The following AOPEP variants were observed in gnomAD, a reference collection of about 807,000 sequenced individuals.
The protein encoded by AOPEP is aminopeptidase O (putative), also known as aminopeptidase O.
A neutral mutation model predicts 98.1 loss-of-function variants in AOPEP; 77 were observed. The ratio of observed to expected loss-of-function variants is 0.78; its 90% CI spans 0.65 to 0.95. The LOEUF (loss-of-function observed/expected upper bound fraction) is 0.95. Ranked by LOEUF, AOPEP falls within the 40% of genes least tolerant of loss-of-function variation. The probability of loss-of-function intolerance (pLI) is 0.00; values close to 1 mark genes in which losing one functional copy is unlikely to be tolerated. For synonymous variants in AOPEP, 346 were observed against 365.3 expected, an observed-to-expected ratio of 0.95 and a Z score of 0.60; for missense variants, 1,024 against 1,024.7, an observed-to-expected ratio of 1.00 and a Z score of 0.01.
chr9:94,847,152 A>ACACACACACACACTCT (rs1448564968), intron 5 of AOPEP, among the ~76,000 whole-genome samples: 1 of 140,476 alleles, frequency 7.1e-6, no homozygotes, highest in Non-Finnish European at 1.6e-5. Flanking sequence ...ACACACACAC[A>ACACACACACACACTCT]CTCTCTCTGT....
intron 3 of AOPEP, among the ~76,000 whole-genome samples, chr9:94,776,804 AT>A (rs1842205889): frequency 6.6e-6 from 1 of 151,966 alleles, no homozygotes; most frequent in Non-Finnish European, 1.5e-5. Flanking sequence ...TGTATTATGT[AT>A]TTTCTAGGAA....
chr9:94,826,357 A>G (rs1413982477), intron 5 of AOPEP, among the ~76,000 whole-genome samples: 1 of 152,192 alleles, frequency 6.6e-6, no homozygotes, highest in African/African-American at 2.4e-5. Context: ...CTCTGGCCCT[A>G]CATGTTGGGA....
Position 94,909,753 on chromosome 9 carries a change from G to T in AOPEP, c.1365-14233G>T, listed in dbSNP as rs574977154. ...GGTGAGTCACCAGTTTCAGGCAAGG[G>T]GTGTCTGTTGGTTCTGAGGTGACTG... On this transcript the variant is annotated intron_variant, in intron 5 of 16. Transcript: ENST00000375315. 5.6e-4 allele frequency among the ~76,000 whole-genome samples: 85 copies of T among 152,304 alleles called. 1 individual carries two copies. Among genetic ancestry groups the T allele is most frequent in the Admixed American group, 5.4e-3 (83 of 15,310 alleles).
At chr9:94,966,968 AC>A (rs2059241067) in intron 9 of AOPEP, among the ~76,000 whole-genome samples, 1 of 152,166 alleles carries the variant, frequency 6.6e-6, no homozygotes, top group Non-Finnish European at 1.5e-5. Flanking sequence ...ATTTACTAAA[AC>A]CTTTATTGAT....
At chr9:94,761,428 A>C (rs910537998) in intron 2 of AOPEP, among the ~76,000 whole-genome samples, 1 of 152,226 alleles carries the variant, frequency 6.6e-6, no homozygotes, top group African/African-American at 2.4e-5. Flanking sequence ...TTTGTGCTAA[A>C]GTACTGCAAA....
intron 5 of AOPEP, among the ~76,000 whole-genome samples, chr9:94,811,403 G>T (rs1467279735): frequency 6.6e-6 from 1 of 152,116 alleles, no homozygotes; most frequent in Non-Finnish European, 1.5e-5. Flanking sequence ...ACTGAGAGGG[G>T]CGCAGCTACA....
intron 5 of AOPEP, among the ~76,000 whole-genome samples, chr9:94,825,412 T>C (rs1854289900): frequency 6.6e-6 from 1 of 152,216 alleles, no homozygotes. Flanking sequence ...CGGAATTTCT[T>C]AGGAGGTGGG....
the AOPEP span, chr9:95,126,588 AAGG>A: frequency 5.6e-6 from 9 of 1,613,906 alleles, no homozygotes; most frequent in African/African-American, 1.1e-4. Context: ...GAGGCTGTAA[AAGG>A]AGAAGACCAT....
chr9:95,069,758 C>T (rs2068288166), intron 14 of AOPEP, among the ~76,000 whole-genome samples: 1 of 152,248 alleles, frequency 6.6e-6, no homozygotes, highest in Non-Finnish European at 1.5e-5. Context: ...TCTCCATGTG[C>T]ATGTCGAGTG....
chr9:95,084,236 T>A (rs1338623606), intron 16 of AOPEP, among the ~76,000 whole-genome samples: 1 of 152,252 alleles, frequency 6.6e-6, no homozygotes, highest in Admixed American at 6.5e-5. Context: ...TTTCTTCTAA[T>A]GTTTTGTGCT....
intron 9 of AOPEP, among the ~76,000 whole-genome samples, chr9:94,964,207 TC>T (rs1737603424): frequency 6.6e-6 from 1 of 152,206 alleles, no homozygotes; most frequent in African/African-American, 2.4e-5. Context: ...ATCCCCAGCA[TC>T]GCTGGCAGCC....
the AOPEP span, among the ~76,000 whole-genome samples, chr9:95,141,985 G>GTTTTTTTTTTTTTTTTTTTTTTTT: frequency 1.2e-5 from 1 of 83,138 alleles, no homozygotes; most frequent in African/African-American, 4.8e-5. Flanking sequence ...AGTTTGTGGG[G>GTTTTTTTTTTTTTTTTTTTTTTTT]TTTTTTTTTT....
At chr9:94,740,575 C>T (rs1239076724) in intron 1 of AOPEP, among the ~76,000 whole-genome samples, 1 of 152,158 alleles carries the variant, frequency 6.6e-6, no homozygotes, top group African/African-American at 2.4e-5. Context: ...TAAAGTGGCT[C>T]CTTGCACCCC....
At chr9:95,052,458 G>T (rs1302263163) in intron 13 of AOPEP, among the ~76,000 whole-genome samples, 1 of 152,080 alleles carries the variant, frequency 6.6e-6, no homozygotes, top group African/African-American at 2.4e-5. Flanking sequence ...TTCCCCATTT[G>T]CTAATCCCTT....
intron 14 of AOPEP, among the ~76,000 whole-genome samples, chr9:95,077,010 AG>A (rs2069144130): frequency 6.6e-6 from 1 of 152,152 alleles, no homozygotes; most frequent in South Asian, 2.1e-4. Context: ...TGGCTGGGGA[AG>A]GGTCTGATCA....
chr9:95,031,401 A>G (rs1477841862), intron 13 of AOPEP, among the ~76,000 whole-genome samples: 2 of 152,184 alleles, frequency 1.3e-5, no homozygotes, highest in African/African-American at 4.8e-5. Flanking sequence ...CTTGGTGGGC[A>G]TTCTTCACGT....
intron 5 of AOPEP, among the ~76,000 whole-genome samples, chr9:94,850,749 T>C (rs2043454169): frequency 6.6e-6 from 1 of 152,220 alleles, no homozygotes; most frequent in African/African-American, 2.4e-5. Context: ...CCCCTCCCTA[T>C]GTGTCTGTGT....
At chr9:95,045,251 G>A (rs564594041) in intron 13 of AOPEP, among the ~76,000 whole-genome samples, 1 of 152,202 alleles carries the variant, frequency 6.6e-6, no homozygotes, top group Non-Finnish European at 1.5e-5. Context: ...CGCCTGCAGC[G>A]GGCGGACCCG....
intron 13 of AOPEP, among the ~76,000 whole-genome samples, chr9:95,034,769 G>A (rs2064634931): frequency 6.6e-6 from 1 of 152,200 alleles, no homozygotes; most frequent in South Asian, 2.1e-4. Flanking sequence ...GAAGCACACT[G>A]AGATAAAGCG....
Sources: gnomAD v4.1 joint callset for allele counts (sites outside exome capture counted in the v4.1 genomes callset) on GRCh38, gnomAD v4.1.1 for gene constraint, MANE v1.5 for transcripts, NCBI Gene and HGNC (gene_info 2026-07-23, HGNC 2026-07-21) for gene names.